The following C19orf44 variants were observed in gnomAD, a reference collection of about 807,000 sequenced individuals.
C19orf44 encodes uncharacterized protein C19orf44.
In C19orf44, 43 loss-of-function variants were observed where a neutral mutation model predicts 50.7. That is an observed-to-expected ratio of 0.85 (90% confidence interval 0.66 to 1.09). The LOEUF (loss-of-function observed/expected upper bound fraction) is 1.09. Ranked by LOEUF, C19orf44 falls within the 50% of genes least tolerant of loss-of-function variation. The pLI, the probability that C19orf44 is intolerant of heterozygous loss-of-function variation, is 0.00. For synonymous variants in C19orf44, 298 were observed against 334.7 expected, an observed-to-expected ratio of 0.89 and a Z score of 1.20; for missense variants, 722 against 836.2, an observed-to-expected ratio of 0.86 and a Z score of 1.68.
chr19:16,498,907 T>C (rs2093417293), intron 1 of C19orf44, among the ~76,000 whole-genome samples: 2 of 150,792 alleles, frequency 1.3e-5, no homozygotes, highest in African/African-American at 2.4e-5. Context: ...CCTGACCTCA[T>C]GATCCGCCCA....
chr19:16,497,887 G>T (rs1263475744), intron 1 of C19orf44, among the ~76,000 whole-genome samples: 1 of 152,180 alleles, frequency 6.6e-6, no homozygotes, highest in Non-Finnish European at 1.5e-5. Flanking sequence ...GGCTGAGGCT[G>T]CGGATCTCTA....
rs200953055 is a variant in C19orf44 at position 16,514,624 on chromosome 19, G to T, written c.1863G>T (p.Ala621=). The T allele has an allele frequency of 2.5e-6, 4 of 1,590,496 alleles. No homozygotes were observed. Among genetic ancestry groups the T allele is most frequent in the Admixed American group, 1.8e-5 (1 of 55,990 alleles). The change falls in exon 7 of 9, where the codon GCG becomes GCT. Residue 621 remains alanine (A), a synonymous_variant. Coordinates refer to ENST00000221671, the MANE Select transcript of C19orf44 (RefSeq NM_032207.4). ...CCTCCCTCCTGCGCTCCCTGGACGC[G>T]GACTCCTTCCACTACCACACCCTGG... ...LHASLLRSLD[A]DSFHYHTLEE...
intron 6 of C19orf44, 40 bp from the exon 7 acceptor site, chr19:16,514,457 G>A: frequency 5.8e-6 from 9 of 1,542,596 alleles, no homozygotes; most frequent in Non-Finnish European, 7.9e-6. Context: ...GAATTTGTGG[G>A]GCCCCAGCGA....
intron 2 of C19orf44, 67 bp from the exon 3 acceptor site, chr19:16,502,998 A>C (rs979777302): frequency 1.4e-5 from 21 of 1,459,906 alleles, no homozygotes; most frequent in East Asian, 1.4e-4. Context: ...AAAAAAAAAA[A>C]CAAAAAACAA....
chr19:16,518,023 AT>A (rs1285591464), intron 8 of C19orf44: 1 of 152,242 alleles, frequency 6.6e-6, no homozygotes, highest in Non-Finnish European at 1.5e-5. Flanking sequence ...CTAGAACAAA[AT>A]CAAATATTCA....
intron 1 of C19orf44, among the ~76,000 whole-genome samples, chr19:16,498,107 A>G (rs2093415070): frequency 6.6e-6 from 1 of 152,174 alleles, no homozygotes; most frequent in Admixed American, 6.6e-5. Flanking sequence ...GCCTGTCTCA[A>G]AACAAAACAA....
chr19:16,503,377 G>T lies in C19orf44; in HGVS notation c.1072G>T (p.Asp358Tyr). The change falls in exon 3 of 9, where the codon GAC becomes TAC. Residue 358 changes from aspartate to tyrosine, a missense_variant. By Grantham distance (160) the Asp-to-Tyr change is radical. Coordinates refer to ENST00000221671, the MANE Select transcript of C19orf44 (RefSeq NM_032207.4). ...PVSEGADDSL[D>Y]EFRINILSLD... Reference sequence around the variant, plus strand: ...CTCAGAAGGTGCTGATGACAGCCTCGACGGTAATCCCAGTCCCGGTGCAAA... The same window carrying T: ...CTCAGAAGGTGCTGATGACAGCCTCTACGGTAATCCCAGTCCCGGTGCAAA... The T allele has an allele frequency of 6.2e-7, 1 of 1,607,638 alleles. No homozygotes were observed. The highest frequency in any genetic ancestry group is 1.1e-5 in the South Asian group (1 of 90,576).
rs1357764335 is a variant in C19orf44, at chr19:16,520,622, C to T, written c.*569C>T. The T allele has an allele frequency of 6.2e-6, 8 of 1,291,044 alleles. No homozygotes were observed. Among genetic ancestry groups the T allele is most frequent in the Non-Finnish European group, 8.7e-6 (8 of 921,272 alleles). The allele number at this position is 1,291,044 out of a possible 1,614,324, so 80.0% of individuals were successfully genotyped here. On this transcript the variant is annotated 3_prime_UTR_variant, in exon 9 of 9. Transcript: ENST00000221671. This position sits in a 1 kb window ranked among gnomAD's most constrained non-coding sequence, Gnocchi z 4.0. ...GCAGGGGCTCTGGCTGTGGATGTGGCGCCATAGCCACAGCAACGGTACCAA... is the reference window on the plus strand; with the variant it reads ...GCAGGGGCTCTGGCTGTGGATGTGGTGCCATAGCCACAGCAACGGTACCAA...
In C19orf44 at chr19:16,519,706, A is replaced by G. The variant is rs749751246; in HGVS notation, c.*41-388A>G. ...GAGGCGCCGAATTAGAACCCAGACCAGCAGAGGAACTAAAATCGAGACAGG... is the reference window on the plus strand; with the variant it reads ...GAGGCGCCGAATTAGAACCCAGACCGGCAGAGGAACTAAAATCGAGACAGG... On this transcript the variant is annotated intron_variant, in intron 8 of 8. Transcript: ENST00000221671. The surrounding 1 kb of genome is among the most constrained non-coding windows in gnomAD (Gnocchi z 6.0). 3.1e-6 allele frequency: 5 copies of G among 1,613,620 alleles called. No homozygotes were observed. In the South Asian group the frequency reaches 4.4e-5, roughly 14 times the overall value.
rs1337825348 is a variant in C19orf44 at position 16,521,194 on chromosome 19, T to C, written c.*1141T>C. ...ACTGGGAAACAGGAACACTGACTCA[T>C]GGGTGGACAGGCCTGCAGCCCAGCA... On this transcript the variant is annotated 3_prime_UTR_variant, in exon 9 of 9. Coordinates refer to ENST00000221671, the MANE Select transcript of C19orf44 (RefSeq NM_032207.4). 7 of 579,388 alleles carry C rather than the reference T, an allele frequency of 1.2e-5. No individual in the cohort carries two copies. Among genetic ancestry groups the C allele is most frequent in the African/African-American group, 3.7e-5 (2 of 53,440 alleles). The allele number at this position is 579,388 out of a possible 1,614,324, so 35.9% of individuals were successfully genotyped here. A position where few individuals can be genotyped will look rare whatever the true frequency, so the allele number is the denominator to read the frequency against.
chr19:16,507,953 A>G (rs1311155562), intron 4 of C19orf44, among the ~76,000 whole-genome samples: 2 of 150,968 alleles, frequency 1.3e-5, no homozygotes, highest in African/African-American at 2.4e-5. Flanking sequence ...ATAGGCGCCC[A>G]CCACCAGGCC....
chr19:16,507,279 A>T (rs1379294916), intron 4 of C19orf44, among the ~76,000 whole-genome samples: 2 of 152,108 alleles, frequency 1.3e-5, no homozygotes, highest in Non-Finnish European at 2.9e-5. Flanking sequence ...CTGGTGATTA[A>T]AGCACATCCC....
At chr19:16,504,245 C>T (rs1326129438) in intron 3 of C19orf44, among the ~76,000 whole-genome samples, 1 of 152,112 alleles carries the variant, frequency 6.6e-6, no homozygotes, top group Non-Finnish European at 1.5e-5. Context: ...ACCAGAATCT[C>T]CACAGAGAAC....
Position 16,520,752 on chromosome 19 carries a change from T to C in C19orf44, c.*699T>C, listed in dbSNP as rs2085605744. ...TGTGAGGGTGGACGTGATGAGTGTA[T>C]CTGGGGTCTGCTCCCACCCATCACA... On this transcript the variant is annotated 3_prime_UTR_variant, in exon 9 of 9. Coordinates refer to ENST00000221671, the MANE Select transcript of C19orf44 (RefSeq NM_032207.4). This position sits in a 1 kb window ranked among gnomAD's most constrained non-coding sequence, Gnocchi z 4.0. 2 of 1,418,824 alleles carry C rather than the reference T, an allele frequency of 1.4e-6. No homozygotes were observed. Among genetic ancestry groups the C allele is most frequent in the Admixed American group, 3.3e-5 (2 of 59,750 alleles). The allele number at this position is 1,418,824 out of a possible 1,614,324, so 87.9% of individuals were successfully genotyped here. A position where few individuals can be genotyped will look rare whatever the true frequency, so the allele number is the denominator to read the frequency against.
At chr19:16,500,067 A>G (rs997941280) in intron 1 of C19orf44, among the ~76,000 whole-genome samples, 9 of 151,934 alleles carry the variant, frequency 5.9e-5, no homozygotes, top group Admixed American at 1.3e-4. Flanking sequence ...GATTATAGGC[A>G]TGAGCCACCA....
rs982450300 is a variant in C19orf44, at chr19:16,519,062, A to G, written c.*41-1032A>G. ...GCTCTCCACAAGTGGAGACGGTGTA[A>G]GAACTGAGCTGTCACTGCAATCTTC... is the stretch of plus-strand genomic sequence containing the variant. On this transcript the variant is annotated intron_variant, in intron 8 of 8. Transcript: ENST00000221671. The surrounding 1 kb of genome is among the most constrained non-coding windows in gnomAD (Gnocchi z 6.0). 3.1e-5 allele frequency: 34 copies of G among 1,111,356 alleles called. No homozygotes were observed. The African/African-American group carries it at 4.3e-4, about 14-fold the overall frequency. The allele number at this position is 1,111,356 out of a possible 1,614,324, so 68.8% of individuals were successfully genotyped here.
chr19:16,504,624 T>A (rs1378366856), intron 3 of C19orf44, among the ~76,000 whole-genome samples: 1 of 151,618 alleles, frequency 6.6e-6, no homozygotes, highest in Non-Finnish European at 1.5e-5. Flanking sequence ...TGTTTGTTTG[T>A]TTTTTTGAGA....
chr19:16,506,708 A>G lies in C19orf44; in HGVS notation c.1083A>G (p.Arg361=). The G allele has an allele frequency of 6.3e-7, 1 of 1,596,474 alleles. No homozygotes were observed. Among genetic ancestry groups the G allele is most frequent in the Admixed American group, 1.7e-5 (1 of 58,154 alleles). The change falls in exon 4 of 9, where the codon AGA becomes AGG. Residue 361 remains arginine, a synonymous_variant. Transcript: ENST00000221671. ...EGADDSLDEF[R]INILSLDGLA... ...CTCATTTTTTAATTACAGAGTTTAGAATAAATATTTTATCGCTTGACGGTC... is the reference window on the plus strand; with the variant it reads ...CTCATTTTTTAATTACAGAGTTTAGGATAAATATTTTATCGCTTGACGGTC...
chr19:16,514,423 C>G, intron 6 of C19orf44, 74 bp from the exon 7 acceptor site: 1 of 1,439,958 alleles, frequency 6.9e-7, no homozygotes, highest in Non-Finnish European at 9.3e-7. Flanking sequence ...AGCCTGGCAC[C>G]TGAGCGGTGG....
Sources: gnomAD v4.1 joint callset for allele counts (sites outside exome capture counted in the v4.1 genomes callset) on GRCh38, gnomAD v4.1.1 for gene constraint, Gnocchi (gnomAD v3.1) non-coding constraint, MANE v1.5 for transcripts, NCBI Gene and HGNC (gene_info 2026-07-23, HGNC 2026-07-21) for gene names.